Variants in FOXO3 observed in about 807,000 individuals in gnomAD.
FOXO3 encodes the protein forkhead box O3, also known as forkhead box protein O3.
Under a neutral mutation model 41.9 loss-of-function variants are expected in FOXO3, and 4 were observed. That is an observed-to-expected ratio of 0.10 (90% confidence interval 0.05 to 0.22). The LOEUF (loss-of-function observed/expected upper bound fraction) is 0.22, where lower values mean the gene tolerates loss of function less well. FOXO3 is among the 10% of genes least tolerant of loss of function. FOXO3 has a pLI of 1.00. For missense variants in FOXO3, 534 were observed against 906.8 expected (o/e 0.59, Z 5.28); for synonymous variants, 318 against 389.3 (o/e 0.82, Z 2.16).
chr6:108,561,686 C>T lies in FOXO3; in HGVS notation c.478C>T (p.Leu160=), dbSNP rs1775794944. 3.7e-6 allele frequency: 6 copies of T among 1,610,096 alleles called. No individual in the cohort carries two copies. Among genetic ancestry groups the T allele is most frequent in the Middle Eastern group, 1.7e-4 (1 of 6,060 alleles). Residue 160 remains leucine, a synonymous_variant, in exon 1 of 3, where the codon CTG becomes TTG. Transcript: ENST00000406360. ...CSSRRNAWGN[L]SYADLITRAI... ...GTCGCGGCGGAACGCCTGGGGAAAC[C>T]TGTCCTACGCGGACCTGATCACCCG...
chr6:108,646,217 A>C (rs1282579128), intron 1 of FOXO3, among the ~76,000 whole-genome samples: 2 of 152,174 alleles, frequency 1.3e-5, no homozygotes, highest in Non-Finnish European at 2.9e-5. Context: ...TCTTGCATGG[A>C]ACTCTTCCAC....
At chr6:108,601,912 T>C (rs979917606) in intron 1 of FOXO3, among the ~76,000 whole-genome samples, 6 of 152,238 alleles carry the variant, frequency 3.9e-5, no homozygotes, top group East Asian at 1.9e-4. Context: ...TTGGGTTGTT[T>C]TCAGTTTGGG....
At position 108,664,354 on chromosome 6, in the gene FOXO3, G is replaced by A. The variant is rs142533192; in HGVS notation, c.1521G>A (p.Arg507=). 7 of 1,612,864 alleles carry A rather than the reference G, an allele frequency of 4.3e-6. No individual in the cohort carries two copies. The South Asian group carries it at 6.6e-5, about 15-fold the overall frequency. ...CTGTGTCTGCCCAGAATTCCCGCCGGAACGTGATGCTTCGCAATGATCCGA... is the reference window on the plus strand; with the variant it reads ...CTGTGTCTGCCCAGAATTCCCGCCGAAACGTGATGCTTCGCAATGATCCGA... ...STAVSAQNSR[R]NVMLRNDPMM... is the part of the protein sequence containing the mutation. The change falls in exon 2 of 3, where the codon CGG becomes CGA. Residue 507 remains arginine (R), a synonymous_variant. Coordinates refer to ENST00000406360, the MANE Select transcript of FOXO3 (RefSeq NM_001455.4).
At chr6:108,677,466 A>ACTCC (rs1770655498) in intron 2 of FOXO3, among the ~76,000 whole-genome samples, 1 of 151,778 alleles carries the variant, frequency 6.6e-6, no homozygotes, top group South Asian at 2.1e-4. Context: ...AGCAAGCCAC[A>ACTCC]CTCCCTGTCT....
chr6:108,565,723 G>A (rs1486942360), intron 1 of FOXO3, among the ~76,000 whole-genome samples: 1 of 152,184 alleles, frequency 6.6e-6, no homozygotes, highest in Non-Finnish European at 1.5e-5. Flanking sequence ...ATGGCTTCTT[G>A]CCAAGATAAA....
upstream of FOXO3, chr6:108,560,883 C>A: frequency 9.9e-7 from 1 of 1,006,702 alleles, no homozygotes; most frequent in South Asian, 3.3e-5. Context: ...GCCGTCGATT[C>A]GCTCGCGGCT....
chr6:108,560,226 G>C (rs1226721313), upstream of FOXO3, among the ~76,000 whole-genome samples: 1 of 152,216 alleles, frequency 6.6e-6, no homozygotes, highest in Non-Finnish European at 1.5e-5. Flanking sequence ...GCTGGTCCGG[G>C]TTTTCTAGCA....
intron 2 of FOXO3, among the ~76,000 whole-genome samples, chr6:108,666,964 A>G (rs1779081050): frequency 6.6e-6 from 1 of 152,152 alleles, no homozygotes; most frequent in Non-Finnish European, 1.5e-5. Flanking sequence ...AGGGAATTCA[A>G]AGCTGTAAAA....
chr6:108,676,054 T>C (rs1203868952), intron 2 of FOXO3, among the ~76,000 whole-genome samples: 1 of 152,218 alleles, frequency 6.6e-6, no homozygotes, highest in East Asian at 1.9e-4. Context: ...ATAGAGGGAC[T>C]TGCTCTCACC....
chr6:108,633,603 C>T (rs1489127858), intron 1 of FOXO3, among the ~76,000 whole-genome samples: 2 of 152,092 alleles, frequency 1.3e-5, no homozygotes, highest in Admixed American at 6.5e-5. Flanking sequence ...ATACTTAGGT[C>T]ATTATAATTC....
At chr6:108,644,701 C>G (rs769063025) in intron 1 of FOXO3, among the ~76,000 whole-genome samples, 8 of 152,198 alleles carry the variant, frequency 5.3e-5, no homozygotes, top group Admixed American at 1.3e-4. Flanking sequence ...GCTCCATCCT[C>G]TCTAGGTAAA....
chr6:108,568,350 G>A (rs1582729005), intron 1 of FOXO3, among the ~76,000 whole-genome samples: 1 of 151,588 alleles, frequency 6.6e-6, no homozygotes, highest in East Asian at 1.9e-4. Context: ...GCTGTCTTCT[G>A]CTTCTCCTCC....
Position 108,682,012 on chromosome 6 carries a change from G to A in FOXO3, c.*2220G>A, listed in dbSNP as rs1369532006. The A allele has an allele frequency of 1.3e-5, 2 of 152,120 alleles. No homozygotes were observed. The highest frequency in any genetic ancestry group is 2.9e-5 in the Non-Finnish European group (2 of 68,040). 9.4% of individuals were successfully genotyped at this position (152,120 alleles called of 1,614,324 possible). A position where few individuals can be genotyped will look rare whatever the true frequency, so the allele number is the denominator to read the frequency against. On this transcript the variant is annotated 3_prime_UTR_variant, in exon 3 of 3. Coordinates refer to ENST00000406360, the MANE Select transcript of FOXO3 (RefSeq NM_001455.4). ...GGGGAGCGAGATGTAAAAGGGTGGGGGGATAGGAGAATTCCAGAGTGCTTC... is the reference window on the plus strand; with the variant it reads ...GGGGAGCGAGATGTAAAAGGGTGGGAGGATAGGAGAATTCCAGAGTGCTTC...
chr6:108,669,038 A>G lies in FOXO3; in HGVS notation c.*34+4149A>G, dbSNP rs184421133. ...TGAGGCAGGAGAATGGCGTGAACCC[A>G]GGAGGCGGAGCTTGCAGTGAGCTGA... On this transcript the variant is annotated intron_variant, in intron 2 of 2. Coordinates refer to ENST00000406360, the MANE Select transcript of FOXO3 (RefSeq NM_001455.4). 9.0e-3 allele frequency among the ~76,000 whole-genome samples: 1,377 copies of G among 152,294 alleles called. 12 individuals carry two copies. Among genetic ancestry groups the G allele is most frequent in the Middle Eastern group, 0.02 (6 of 294 alleles).
intron 1 of FOXO3, among the ~76,000 whole-genome samples, chr6:108,661,349 T>G (rs1384537802): frequency 6.7e-6 from 1 of 150,288 alleles, no homozygotes; most frequent in Non-Finnish European, 1.5e-5. Context: ...TATATAACTT[T>G]TAGGATTGTC....
At chr6:108,650,022 G>A (rs1005300449) in intron 1 of FOXO3, among the ~76,000 whole-genome samples, 8 of 152,048 alleles carry the variant, frequency 5.3e-5, no homozygotes, top group African/African-American at 1.7e-4. Flanking sequence ...CCCACACATC[G>A]TTCCCATTAG....
In FOXO3 at chr6:108,660,950, C is replaced by T. The variant is rs1778827638; in HGVS notation, c.622-2505C>T. Among the ~76,000 whole-genome samples the T allele has an allele frequency of 2.0e-5, 3 of 152,124 alleles. No homozygotes were observed. In the South Asian group the frequency reaches 6.2e-4, roughly 31 times the overall value. On this transcript the variant is annotated intron_variant, in intron 1 of 2. Coordinates refer to ENST00000406360, the MANE Select transcript of FOXO3 (RefSeq NM_001455.4). ...TGGCGGGTGCCTGTAGTCCTAGCTA[C>T]TCGGGAGGCTGAGGCAGGAGAATGG... is the stretch of plus-strand genomic sequence containing the variant.
intron 1 of FOXO3, among the ~76,000 whole-genome samples, chr6:108,644,941 A>G (rs892209546): frequency 6.6e-5 from 10 of 152,194 alleles, no homozygotes; most frequent in Non-Finnish European, 1.3e-4. Context: ...TATAAAATCT[A>G]TGAATGAGAC....
At chr6:108,566,669 A>G (rs766095697) in intron 1 of FOXO3, among the ~76,000 whole-genome samples, 8 of 152,032 alleles carry the variant, frequency 5.3e-5, no homozygotes, top group Non-Finnish European at 8.8e-5. Context: ...AGGGCTGGAG[A>G]GAATATGGAA....
Sources: allele counts gnomAD v4.1 joint callset (sites outside exome capture counted in the v4.1 genomes callset), GRCh38; gene constraint gnomAD v4.1.1; transcripts MANE v1.5; gene names NCBI Gene and HGNC (gene_info 2026-07-23, HGNC 2026-07-21).